HCN1: variants seen among roughly 807,000 people sequenced by gnomAD.
HCN1 encodes the protein potassium/sodium hyperpolarization-activated cyclic nucleotide-gated channel 1.
In HCN1, 13 loss-of-function variants were observed where a neutral mutation model predicts 78.9. The ratio of observed to expected loss-of-function variants is 0.16; its 90% CI spans 0.11 to 0.26. HCN1 has a LOEUF of 0.26. HCN1 is among the 10% of genes least tolerant of loss of function. The probability of loss-of-function intolerance (pLI) is 1.00; values close to 1 mark genes in which losing one functional copy is unlikely to be tolerated. For synonymous variants in HCN1, 552 were observed against 455.5 expected (o/e 1.21, Z -2.70); for missense variants, 810 against 1,154.3 (o/e 0.70, Z 4.32).
At chr5:45,531,191 C>T (rs1742840210) in intron 2 of HCN1, among the ~76,000 whole-genome samples, 1 of 152,154 alleles carries the variant, frequency 6.6e-6, no homozygotes, top group Non-Finnish European at 1.5e-5. Context: ...AACAGTGAAA[C>T]TGAATAATCC....
At chr5:45,364,331 C>T (rs924549431) in intron 4 of HCN1, among the ~76,000 whole-genome samples, 7 of 152,070 alleles carry the variant, frequency 4.6e-5, no homozygotes, top group Non-Finnish European at 2.9e-5. Context: ...TCCCTGATCT[C>T]GACTCGTAAG....
At chr5:45,521,373 G>A (rs536752472) in intron 2 of HCN1, among the ~76,000 whole-genome samples, 69 of 152,000 alleles carry the variant, frequency 4.5e-4, no homozygotes, top group African/African-American at 1.6e-3. Context: ...GAAATTTATT[G>A]TATCACAGTT....
At chr5:45,695,596 C>T (rs1739992685) in intron 1 of HCN1, 73 bp downstream of exon 1, 1 of 1,487,174 alleles carries the variant, frequency 6.7e-7, no homozygotes, top group Non-Finnish European at 9.2e-7. Flanking sequence ...GGGACGCCCC[C>T]CACCCAAGGG....
chr5:45,374,887 T>C (rs190976638), intron 4 of HCN1, among the ~76,000 whole-genome samples: 1 of 144,218 alleles, frequency 6.9e-6, no homozygotes, highest in African/African-American at 2.5e-5. Flanking sequence ...GGTATATATA[T>C]AGAGAGAGAC....
At chr5:45,480,936 T>C (rs1403149808) in intron 2 of HCN1, among the ~76,000 whole-genome samples, 1 of 152,170 alleles carries the variant, frequency 6.6e-6, no homozygotes, top group Non-Finnish European at 1.5e-5. Flanking sequence ...ATTTTGAAAA[T>C]TATAATTCTA....
In HCN1 at chr5:45,262,629, G is replaced by T. The variant is rs200475385; in HGVS notation, c.1965C>A (p.Thr655=). 2.5e-6 allele frequency: 4 copies of T among 1,613,924 alleles called. No individual in the cohort carries two copies. Among genetic ancestry groups the T allele is most frequent in the Non-Finnish European group, 3.4e-6 (4 of 1,179,998 alleles). The stretch of plus-strand genomic sequence containing the variant: ...ATTGTGTCCTCATGCGGGAGGTCGG[G>T]GTCGTAGTAGACGATGTGGAATTCA... ...TTLNSTSSTT[T]PTSRMRTQSP... Residue 655 remains threonine, a synonymous_variant, in exon 8 of 8, where the codon ACC becomes ACA. Coordinates refer to ENST00000303230, the MANE Select transcript of HCN1 (RefSeq NM_021072.4).
At chr5:45,500,589 T>C (rs1260408886) in intron 2 of HCN1, among the ~76,000 whole-genome samples, 1 of 152,182 alleles carries the variant, frequency 6.6e-6, no homozygotes, top group Non-Finnish European at 1.5e-5. Context: ...TTTTACAATA[T>C]AGTTTAAATA....
At chr5:45,693,212 C>T (rs1274405629) in intron 1 of HCN1, among the ~76,000 whole-genome samples, 4 of 152,002 alleles carry the variant, frequency 2.6e-5, no homozygotes, top group Admixed American at 6.5e-5. Flanking sequence ...ATTATCTTGA[C>T]GTTATAGATT....
At chr5:45,306,959 A>G (rs369636754) in intron 5 of HCN1, among the ~76,000 whole-genome samples, 26 of 152,220 alleles carry the variant, frequency 1.7e-4, no homozygotes, top group African/African-American at 6.0e-4. Context: ...TCTTTCCTGG[A>G]ACATTTTGTA....
Position 45,262,702 on chromosome 5 carries a change from T to A in HCN1, c.1892A>T (p.Glu631Val). 6.2e-7 allele frequency: 1 copy of A among 1,614,144 alleles called. No individual in the cohort carries two copies. Among genetic ancestry groups the A allele is most frequent in the African/African-American group, 1.3e-5 (1 of 75,042 alleles). ...GATGGGAGCGATTGCCTGCACCATC[T>A]CCCTGTCATGTTTCACAATCTGCTT... ...ILKQIVKHDREMVQAIAPINY... is the reference protein window; with the variant it reads ...ILKQIVKHDRVMVQAIAPINY... Residue 631 changes from glutamate to valine, a missense_variant, in exon 8 of 8, where the codon GAG becomes GTG. By Grantham distance (121) the Glu-to-Val change is moderately radical (BLOSUM62 -2). Transcript: ENST00000303230.
At chr5:45,680,493 G>A (rs1739682875) in intron 1 of HCN1, among the ~76,000 whole-genome samples, 1 of 152,012 alleles carries the variant, frequency 6.6e-6, no homozygotes, top group Admixed American at 6.6e-5. Context: ...TCACTCTTCA[G>A]AAAAGAGGGA....
intron 3 of HCN1, among the ~76,000 whole-genome samples, chr5:45,460,020 TCGAAA>T (rs1334279426): frequency 6.6e-6 from 1 of 152,180 alleles, no homozygotes; most frequent in Non-Finnish European, 1.5e-5. Flanking sequence ...TCTTTAGTTA[TCGAAA>T]CTACCATATA....
intron 4 of HCN1, among the ~76,000 whole-genome samples, chr5:45,371,787 A>C (rs1747368500): frequency 7.1e-6 from 1 of 140,550 alleles, no homozygotes; most frequent in Non-Finnish European, 1.5e-5. Flanking sequence ...ATATGTACAC[A>C]CACACATACA....
rs374839058 is a variant in HCN1, at chr5:45,421,290, C to T, written c.1012-24580G>A. Among the ~76,000 whole-genome samples the T allele has an allele frequency of 5.7e-4, 87 of 152,236 alleles. 1 individual carries two copies. The highest frequency in any genetic ancestry group is 2.0e-3 in the African/African-American group (84 of 41,550). On this transcript the variant is annotated intron_variant, in intron 3 of 7. Transcript: ENST00000303230. ...TGTTAGCCAGGATGGTCTCGATCTCCTGATCTCGTGATCCACCCGCCTGGG... is the reference window on the plus strand; with the variant it reads ...TGTTAGCCAGGATGGTCTCGATCTCTTGATCTCGTGATCCACCCGCCTGGG...
At chr5:45,294,997 A>G (rs1745460033) in intron 6 of HCN1, among the ~76,000 whole-genome samples, 1 of 152,064 alleles carries the variant, frequency 6.6e-6, no homozygotes, top group Non-Finnish European at 1.5e-5. Flanking sequence ...GAGGATGATG[A>G]GATTATAAAA....
chr5:45,336,036 G>T (rs1371171965), intron 5 of HCN1, among the ~76,000 whole-genome samples: 1 of 151,962 alleles, frequency 6.6e-6, no homozygotes, highest in African/African-American at 2.4e-5. Context: ...ATCACAAAAA[G>T]GATTTAAACT....
chr5:45,604,443 C>T (rs944920881), intron 2 of HCN1, among the ~76,000 whole-genome samples: 2 of 151,810 alleles, frequency 1.3e-5, no homozygotes, highest in African/African-American at 4.8e-5. Context: ...GCTTTTGACA[C>T]ACTAAAAAGG....
intron 5 of HCN1, among the ~76,000 whole-genome samples, chr5:45,344,763 C>G (rs1438373108): frequency 6.6e-6 from 1 of 152,184 alleles, no homozygotes; most frequent in Non-Finnish European, 1.5e-5. Flanking sequence ...TTGCAGGGTA[C>G]AGCCCATCTA....
intron 2 of HCN1, among the ~76,000 whole-genome samples, chr5:45,612,877 G>A (rs144920938): frequency 6.6e-6 from 1 of 152,224 alleles, no homozygotes; most frequent in East Asian, 1.9e-4. Context: ...GTGTTCCAGA[G>A]AAACAAAGGG....
Sources: allele counts gnomAD v4.1 joint callset (sites outside exome capture counted in the v4.1 genomes callset), GRCh38; gene constraint gnomAD v4.1.1; transcripts MANE v1.5; gene names NCBI Gene and HGNC (gene_info 2026-07-23, HGNC 2026-07-21).